The following TRPC1 variants were observed in gnomAD, a reference collection of about 807,000 sequenced individuals.
TRPC1 encodes the protein short transient receptor potential channel 1.
A neutral mutation model predicts 88.2 loss-of-function variants in TRPC1; 42 were observed. The observed-to-expected ratio is 0.48, with a 90% CI of 0.37 to 0.62. The LOEUF is 0.62. Ranked by LOEUF, TRPC1 falls within the 20% of genes least tolerant of loss-of-function variation. TRPC1 has a pLI of 0.00. For synonymous variants in TRPC1, 288 were observed against 331.8 expected, an observed-to-expected ratio of 0.87 and a Z score of 1.43; for missense variants, 699 against 957.3, an observed-to-expected ratio of 0.73 and a Z score of 3.56.
At chr3:142,797,713 G>A (rs1223494808) in intron 9 of TRPC1, among the ~76,000 whole-genome samples, 1 of 152,098 alleles carries the variant, frequency 6.6e-6, no homozygotes, top group African/African-American at 2.4e-5. Flanking sequence ...GTCAGTGTAT[G>A]TAAGATGCAT....
chr3:142,802,581 CAG>C (rs1936656714), intron 10 of TRPC1, among the ~76,000 whole-genome samples: 1 of 152,030 alleles, frequency 6.6e-6, no homozygotes, highest in African/African-American at 2.4e-5. Flanking sequence ...TCTATCTTAA[CAG>C]AGGAATTCTT....
At chr3:142,788,793 A>C (rs1936210266) in intron 7 of TRPC1, among the ~76,000 whole-genome samples, 1 of 152,086 alleles carries the variant, frequency 6.6e-6, no homozygotes. Context: ...TTGGTTATGT[A>C]GTGTTTGTAT....
chr3:142,725,883 A>G (rs1461424396), intron 1 of TRPC1, among the ~76,000 whole-genome samples: 1 of 152,212 alleles, frequency 6.6e-6, no homozygotes, highest in Non-Finnish European at 1.5e-5. Flanking sequence ...AACAATTGAC[A>G]TATAAACAAA....
chr3:142,727,839 C>G (rs376989359), intron 1 of TRPC1, among the ~76,000 whole-genome samples: 8 of 152,148 alleles, frequency 5.3e-5, no homozygotes, highest in African/African-American at 1.9e-4. Flanking sequence ...GCTTTGTCCT[C>G]TCTCATTGAG....
At chr3:142,759,980 C>G (rs556881860) in intron 4 of TRPC1, among the ~76,000 whole-genome samples, 1 of 152,206 alleles carries the variant, frequency 6.6e-6, no homozygotes, top group African/African-American at 2.4e-5. Context: ...CCAGCCTCCA[C>G]GCCCGGCTAA....
chr3:142,774,342 C>G (rs1006415232), intron 4 of TRPC1, among the ~76,000 whole-genome samples: 2 of 152,218 alleles, frequency 1.3e-5, no homozygotes, highest in African/African-American at 4.8e-5. Flanking sequence ...TTTCCAAGCT[C>G]TCCCTGTTAA....
intron 1 of TRPC1, among the ~76,000 whole-genome samples, chr3:142,730,111 G>T (rs967777168): frequency 3.3e-5 from 5 of 152,190 alleles, no homozygotes; most frequent in African/African-American, 1.2e-4. Flanking sequence ...AGACTGTGTT[G>T]CAACAACCTG....
chr3:142,754,882 T>C (rs1934903455), intron 4 of TRPC1, among the ~76,000 whole-genome samples: 1 of 152,084 alleles, frequency 6.6e-6, no homozygotes, highest in South Asian at 2.1e-4. Context: ...TGAGGGAGTA[T>C]TGGAATAACT....
Position 142,748,403 on chromosome 3 carries a change from G to A in TRPC1, c.575G>A (p.Gly192Asp). The change falls in exon 4 of 13, where the codon GGC becomes GAC. Residue 192 changes from glycine to aspartate, a missense_variant. Coordinates refer to ENST00000476941, the MANE Select transcript of TRPC1 (RefSeq NM_001251845.2). ...DVSLPKPHAV[G>D]CECTLCSAKN... is the part of the protein sequence containing the mutation. ...TCTCTACCCAAGCCCCATGCAGTTG[G>A]CTGTGAATGCACATTGTGTTCTGCA... The A allele has an allele frequency of 6.2e-7, 1 of 1,614,098 alleles. No homozygotes were observed. The highest frequency in any genetic ancestry group is 8.5e-7 in the Non-Finnish European group (1 of 1,179,994).
At chr3:142,755,163 C>T (rs1182989165) in intron 4 of TRPC1, among the ~76,000 whole-genome samples, 1 of 152,126 alleles carries the variant, frequency 6.6e-6, no homozygotes, top group Non-Finnish European at 1.5e-5. Flanking sequence ...TGGCTCATGC[C>T]TGTAATGCCA....
intron 5 of TRPC1, among the ~76,000 whole-genome samples, chr3:142,779,343 A>G (rs1399607849): frequency 1.3e-5 from 2 of 152,206 alleles, no homozygotes; most frequent in African/African-American, 2.4e-5. Flanking sequence ...ATTTCCATCT[A>G]AACTATACAG....
intron 4 of TRPC1, among the ~76,000 whole-genome samples, chr3:142,752,411 T>C (rs1208106121): frequency 6.6e-6 from 1 of 152,276 alleles, no homozygotes; most frequent in Non-Finnish European, 1.5e-5. Context: ...AACATCTCAG[T>C]GGAGTAAAGA....
At chr3:142,774,140 C>G (rs1304422643) in intron 4 of TRPC1, among the ~76,000 whole-genome samples, 2 of 152,042 alleles carry the variant, frequency 1.3e-5, no homozygotes, top group African/African-American at 4.8e-5. Flanking sequence ...CACCTTCAGC[C>G]CATAAAGTTT....
At chr3:142,804,200 CTT>C (rs747210320) in intron 11 of TRPC1, 22 bp downstream of exon 11, 43 of 1,611,198 alleles carry the variant, frequency 2.7e-5, no homozygotes, top group Non-Finnish European at 3.6e-5. Flanking sequence ...CTTTTAAAAA[CTT>C]TATATTCTCC....
intron 4 of TRPC1, among the ~76,000 whole-genome samples, chr3:142,757,686 C>CTAA (rs1463217864): frequency 6.6e-6 from 1 of 151,922 alleles, no homozygotes; most frequent in Non-Finnish European, 1.5e-5. Context: ...GGGCAAATAC[C>CTAA]TAATGCATGC....
intron 2 of TRPC1, among the ~76,000 whole-genome samples, chr3:142,738,852 A>G (rs976109540): frequency 6.6e-6 from 1 of 152,218 alleles, no homozygotes; most frequent in African/African-American, 2.4e-5. Flanking sequence ...AATTGCTAAC[A>G]TTTATATAAT....
chr3:142,735,078 A>G (rs1424689379), intron 1 of TRPC1, among the ~76,000 whole-genome samples: 1 of 152,172 alleles, frequency 6.6e-6, no homozygotes, highest in East Asian at 1.9e-4. Context: ...TTTGTGTCTA[A>G]CTATTAACTA....
intron 4 of TRPC1, among the ~76,000 whole-genome samples, chr3:142,766,938 T>C (rs1444514649): frequency 1.3e-5 from 2 of 152,224 alleles, no homozygotes; most frequent in African/African-American, 4.8e-5. Flanking sequence ...TCATATATTG[T>C]ATGTCCTTTA....
At chr3:142,728,754 G>T (rs577722394) in intron 1 of TRPC1, among the ~76,000 whole-genome samples, 26 of 152,276 alleles carry the variant, frequency 1.7e-4, no homozygotes, top group Non-Finnish European at 3.4e-4. Flanking sequence ...ATATTAAGCT[G>T]CTGTTTTTTA....
Sources: gnomAD v4.1 joint callset for allele counts (sites outside exome capture counted in the v4.1 genomes callset) on GRCh38, gnomAD v4.1.1 for gene constraint, MANE v1.5 for transcripts, NCBI Gene and HGNC (gene_info 2026-07-23, HGNC 2026-07-21) for gene names.